GARNL3: variants seen among roughly 807,000 people sequenced by gnomAD.
GARNL3 encodes GTPase-activating Rap/Ran-GAP domain-like protein 3.
Under a neutral mutation model 125.0 loss-of-function variants are expected in GARNL3, and 63 were observed. The observed-to-expected ratio is 0.50, with a 90% CI of 0.41 to 0.62. GARNL3 has a LOEUF of 0.62. Ranked by LOEUF, GARNL3 falls within the 20% of genes least tolerant of loss-of-function variation. The pLI is 0.00. For missense variants in GARNL3, 994 were observed against 1,244.0 expected (o/e 0.80, Z 3.02); for synonymous variants, 439 against 457.5 (o/e 0.96, Z 0.52).
At chr9:127,267,495 T>C (rs576627589) in intron 1 of GARNL3, among the ~76,000 whole-genome samples, 1 of 152,324 alleles carries the variant, frequency 6.6e-6, no homozygotes, top group Non-Finnish European at 1.5e-5. Flanking sequence ...GGGTACATGA[T>C]AGGCCAACAT....
At chr9:127,236,542 G>C (rs2063116112) in intron 1 of GARNL3, among the ~76,000 whole-genome samples, 1 of 152,148 alleles carries the variant, frequency 6.6e-6, no homozygotes, top group Admixed American at 6.6e-5. Context: ...TCGAACCTCT[G>C]GGCTCAAGTG....
At chr9:127,318,574 G>GCAAAGAATGTACTTATTCTTCGCCAGA (rs2065303929) in intron 5 of GARNL3, among the ~76,000 whole-genome samples, 1 of 152,148 alleles carries the variant, frequency 6.6e-6, no homozygotes, top group Non-Finnish European at 1.5e-5. Flanking sequence ...CCAGATGTCA[G>GCAAAGAATGTACTTATTCTTCGCCAGA]CAAAGAATGT....
intron 22 of GARNL3, among the ~76,000 whole-genome samples, chr9:127,370,616 G>T (rs570510939): frequency 6.6e-6 from 1 of 152,302 alleles, no homozygotes; most frequent in East Asian, 1.9e-4. Flanking sequence ...ATCTATCCAA[G>T]GAGACTTTTC....
At chr9:127,351,709 C>T (rs1253210828) in intron 17 of GARNL3, among the ~76,000 whole-genome samples, 1 of 152,172 alleles carries the variant, frequency 6.6e-6, no homozygotes, top group Non-Finnish European at 1.5e-5. Flanking sequence ...CTTTCAAGGT[C>T]ATTATTAAAA....
Position 127,389,097 on chromosome 9 carries a change from C to T in GARNL3, c.2721C>T (p.Ser907=), listed in dbSNP as rs755651696. The T allele has an allele frequency of 3.7e-6, 6 of 1,613,606 alleles. No homozygotes were observed. The highest frequency in any genetic ancestry group is 1.7e-6 in the Non-Finnish European group (2 of 1,179,628). Residue 907 remains serine (S), a synonymous_variant, in exon 26 of 28, where the codon AGC becomes AGT. Coordinates refer to ENST00000373387, the MANE Select transcript of GARNL3 (RefSeq NM_032293.5). The stretch of plus-strand genomic sequence containing the variant: ...GCATGGAGATCAAAGAAATAGCAAG[C>T]AGGACCCGCAGGGAACTACTGGGTA... The part of the protein sequence containing the change: ...LSRMEIKEIA[S]RTRRELLGLS...
chr9:127,347,058 A>G (rs1830176824), intron 16 of GARNL3, among the ~76,000 whole-genome samples: 1 of 152,118 alleles, frequency 6.6e-6, no homozygotes, highest in Non-Finnish European at 1.5e-5. Context: ...CCAATATTCA[A>G]CAGTTCCTCA....
intron 7 of GARNL3, among the ~76,000 whole-genome samples, chr9:127,330,075 C>T (rs1829137592): frequency 6.6e-6 from 1 of 152,194 alleles, no homozygotes; most frequent in Admixed American, 6.6e-5. Flanking sequence ...TGCAAATTAT[C>T]AGGCCCTATC....
At chr9:127,265,132 G>A in intron 1 of GARNL3, 111 bp downstream of exon 1, 1 of 823,004 alleles carries the variant, frequency 1.2e-6, no homozygotes, top group Non-Finnish European at 1.8e-6. Flanking sequence ...TGTGGGTACA[G>A]TGTAAGGATT....
rs549499970 is a variant in GARNL3, at chr9:127,355,148, T to C, written c.1760-149T>C. ...CTCAACCTAATTTTAATATGTAGTCTCCATTTTGCCTAGTGTCGGAAACAT... is the reference window on the plus strand; with the variant it reads ...CTCAACCTAATTTTAATATGTAGTCCCCATTTTGCCTAGTGTCGGAAACAT... On this transcript the variant is annotated intron_variant, in intron 19 of 27. Transcript: ENST00000373387. 93 of 640,308 alleles carry C rather than the reference T, an allele frequency of 1.5e-4. 2 individuals carry two copies. In the South Asian group the frequency reaches 1.8e-3, roughly 12 times the overall value. The allele number at this position is 640,308 out of a possible 1,614,324, so 39.7% of individuals were successfully genotyped here.
At chr9:127,285,413 A>C (rs2064222075) in intron 1 of GARNL3, among the ~76,000 whole-genome samples, 2 of 152,212 alleles carry the variant, frequency 1.3e-5, no homozygotes, top group Non-Finnish European at 2.9e-5. Flanking sequence ...ACAAGAGTGA[A>C]ACTCGCTTTT....
chr9:127,262,785 C>T (rs1270150050), upstream of GARNL3, among the ~76,000 whole-genome samples: 1 of 152,256 alleles, frequency 6.6e-6, no homozygotes, highest in Non-Finnish European at 1.5e-5. Context: ...TAAGCATTTA[C>T]TGCATGTCCA....
At chr9:127,355,566 TC>T in intron 20 of GARNL3, 94 bp downstream of exon 20, 1 of 1,212,184 alleles carries the variant, frequency 8.2e-7, no homozygotes, top group Non-Finnish European at 1.2e-6. Flanking sequence ...ACTGAGGTTG[TC>T]CCACTGTTTA....
At chr9:127,261,354 G>T (rs1285973740), upstream of GARNL3, among the ~76,000 whole-genome samples, 2 of 151,536 alleles carry the variant, frequency 1.3e-5, no homozygotes, top group Non-Finnish European at 2.9e-5. Context: ...ATTGCAGCTG[G>T]CAGATAAGGA....
Position 127,336,154 on chromosome 9 carries a change from C to T in GARNL3, c.900C>T (p.Asn300=), listed in dbSNP as rs762113770. The change falls in exon 11 of 28, where the codon AAC becomes AAT. Residue 300 remains asparagine, a synonymous_variant. Coordinates refer to ENST00000373387, the MANE Select transcript of GARNL3 (RefSeq NM_032293.5). ...QQVERKRHIG[N]DIVTIVFQEG... ...TGGAAAGGAAACGCCACATTGGAAA[C>T]GATATCGTCACCATTGTGTTCCAAG... The T allele has an allele frequency of 8.7e-6, 14 of 1,613,798 alleles. No homozygotes were observed. The highest frequency in any genetic ancestry group is 5.3e-5 in the African/African-American group (4 of 74,922).
intron 4 of GARNL3, 114 bp downstream of exon 4, chr9:127,313,673 G>C: frequency 2.6e-6 from 2 of 764,794 alleles, no homozygotes; most frequent in South Asian, 3.0e-5. Context: ...TAGTCTTCTC[G>C]TGATTCACCT....
chr9:127,241,044 C>G (rs1264811139), intron 1 of GARNL3, among the ~76,000 whole-genome samples: 2 of 152,320 alleles, frequency 1.3e-5, no homozygotes, highest in Middle Eastern at 3.4e-3. Context: ...CAGTGTGTAA[C>G]ACACTTCACT....
intron 2 of GARNL3, among the ~76,000 whole-genome samples, chr9:127,301,957 T>C (rs1176686637): frequency 1.1e-5 from 1 of 91,354 alleles, no homozygotes; most frequent in Admixed American, 1.3e-4. Flanking sequence ...TTTTTTTTTT[T>C]TGAGACAGAG....
intron 22 of GARNL3, among the ~76,000 whole-genome samples, chr9:127,377,156 G>T (rs1203459842): frequency 6.6e-6 from 1 of 152,068 alleles, no homozygotes; most frequent in Non-Finnish European, 1.5e-5. Flanking sequence ...ATAATTTATT[G>T]CAAAGCTACA....
At chr9:127,321,454 A>C (rs984197758) in intron 6 of GARNL3, among the ~76,000 whole-genome samples, 1 of 152,192 alleles carries the variant, frequency 6.6e-6, no homozygotes, top group Admixed American at 6.5e-5. Context: ...GTTAATAAAT[A>C]CAAAACGTGG....
Sources: gnomAD v4.1 joint callset for allele counts (sites outside exome capture counted in the v4.1 genomes callset) on GRCh38, gnomAD v4.1.1 for gene constraint, MANE v1.5 for transcripts, NCBI Gene and HGNC (gene_info 2026-07-23, HGNC 2026-07-21) for gene names.